TUFM: variants seen among roughly 807,000 people sequenced by gnomAD.
TUFM encodes elongation factor Tu, mitochondrial.
In TUFM, 23 loss-of-function variants were observed where a neutral mutation model predicts 45.0. The ratio of observed to expected loss-of-function variants is 0.51; its 90% CI spans 0.37 to 0.72. The LOEUF is 0.72. Among genes scored for constraint, TUFM ranks in the 30% least tolerant of loss-of-function variants. TUFM has a pLI of 0.00. For synonymous variants in TUFM, 243 were observed against 252.9 expected, an observed-to-expected ratio of 0.96 and a Z score of 0.37; for missense variants, 490 against 610.7, an observed-to-expected ratio of 0.80 and a Z score of 2.08.
In TUFM at chr16:28,845,352, C is replaced by T. The variant is rs1017675651; in HGVS notation, c.376G>A (p.Ala126Thr). The change falls in exon 3 of 10, where the codon GCC becomes ACC. Residue 126 changes from alanine (A) to threonine (T), a missense_variant. By Grantham distance (58) the Ala-to-Thr change is moderately conservative. Transcript: ENST00000313511. ...VEYSTAARHY[A>T]HTDCPGHADY... ...GCATGACCCGGGCAGTCTGTGTGGG[C>T]GTAGTGGCGGGCGGCAGTGCTATAC... 6.2e-7 allele frequency: 1 copy of T among 1,614,130 alleles called. No homozygotes were observed. Among genetic ancestry groups the T allele is most frequent in the Non-Finnish European group, 8.5e-7 (1 of 1,180,028 alleles).
In TUFM at chr16:28,845,993, G is replaced by A; in HGVS notation, c.166C>T (p.Arg56Cys). 3 of 1,613,992 alleles carry A rather than the reference G, an allele frequency of 1.9e-6. No individual in the cohort carries two copies. The highest frequency in any genetic ancestry group is 2.5e-6 in the Non-Finnish European group (3 of 1,180,046). Residue 56 changes from arginine (R) to cysteine (C), a missense_variant, in exon 2 of 10, where the codon CGC becomes TGC. Arg to Cys is a radical substitution (Grantham distance 180, BLOSUM62 -3). Coordinates refer to ENST00000313511, the MANE Select transcript of TUFM (RefSeq NM_003321.5). ...LAVEAKKTYV[R>C]DKPHVNVGTI... ...CCCACATTCACATGTGGCTTGTCGC[G>A]CACGTAAGTCTTCTTGGCCTCCACG... is the stretch of plus-strand genomic sequence containing the variant.
Position 28,845,352 on chromosome 16 carries a change from C to G in TUFM, c.376G>C (p.Ala126Pro), listed in dbSNP as rs1017675651. ...VEYSTAARHY[A>P]HTDCPGHADY... ...GCATGACCCGGGCAGTCTGTGTGGG[C>G]GTAGTGGCGGGCGGCAGTGCTATAC... The change falls in exon 3 of 10, where the codon GCC (alanine) becomes CCC (proline). Residue 126 changes from alanine (A) to proline (P), a missense_variant. Coordinates refer to ENST00000313511, the MANE Select transcript of TUFM (RefSeq NM_003321.5). 1 of 1,614,130 alleles carries G rather than the reference C, an allele frequency of 6.2e-7. No individual in the cohort carries two copies. The highest frequency in any genetic ancestry group is 8.5e-7 in the Non-Finnish European group (1 of 1,180,028).
In TUFM at chr16:28,845,183, G is replaced by A. The variant is rs1321752162; in HGVS notation, c.415-128C>T. 5.1e-6 allele frequency: 8 copies of A among 1,567,582 alleles called. No homozygotes were observed. The Admixed American group carries it at 1.2e-4, about 23-fold the overall frequency. ...ACCATCTCCTCACCACCCATTCTGC[G>A]TGGCCAAGACCACAAACCTGCCATC... On this transcript the variant is annotated intron_variant, in intron 3 of 9. Coordinates refer to ENST00000313511, the MANE Select transcript of TUFM (RefSeq NM_003321.5).
Position 28,844,360 on chromosome 16 carries a change from A to C in TUFM, c.818-26T>G. The stretch of plus-strand genomic sequence containing the variant: ...CTGGGAGGGAATAAGACAGGATATC[A>C]GGGACCCCGAGCTAGGCTTCTGCTA... On this transcript the variant is annotated intron_variant, in intron 6 of 9. Transcript: ENST00000313511. This position sits in a 1 kb window ranked among gnomAD's most constrained non-coding sequence, Gnocchi z 5.8. 1.2e-6 allele frequency: 2 copies of C among 1,614,144 alleles called. No homozygotes were observed. The highest frequency in any genetic ancestry group is 2.2e-5 in the South Asian group (2 of 91,084).
intron 2 of TUFM, 106 bp from the exon 3 acceptor site, chr16:28,845,586 T>C: frequency 7.4e-7 from 1 of 1,356,432 alleles, no homozygotes; most frequent in Non-Finnish European, 1.0e-6. Flanking sequence ...CCTCCTCCAA[T>C]CTCTAACTCT....
chr16:28,843,073 G>A lies in TUFM; in HGVS notation c.1270C>T (p.Arg424Cys), dbSNP rs775427401. 7.4e-6 allele frequency: 12 copies of A among 1,614,094 alleles called. No individual in the cohort carries two copies. The highest frequency in any genetic ancestry group is 4.5e-5 in the East Asian group (2 of 44,904). ...RQPMILEKGQ[R>C]FTLRDGNRTI... is the part of the protein sequence containing the mutation. ...CGGTTGCCATCTCGCAGGGTGAAAC[G>A]CTGGCCTTTCTCTAAGATCATTGGC... The change falls in exon 10 of 10, where the codon CGT (arginine) becomes TGT (cysteine). Residue 424 changes from arginine to cysteine, a missense_variant. Transcript: ENST00000313511.
Position 28,844,016 on chromosome 16 carries a change from G to C in TUFM, c.1008C>G (p.Asp336Glu). ...TGACCATGACCAGGCCCCGCCGCAA[G>C]TCCTCCCGCTTCAAGCCTCGGACCA... ...GALVRGLKRE[D>E]LRRGLVMVKP... The change falls in exon 8 of 10, where the codon GAC becomes GAG. Residue 336 changes from aspartate (D) to glutamate (E), a missense_variant. Coordinates refer to ENST00000313511, the MANE Select transcript of TUFM (RefSeq NM_003321.5). This position sits in a 1 kb window ranked among gnomAD's most constrained non-coding sequence, Gnocchi z 5.8. 2 of 1,614,196 alleles carry C rather than the reference G, an allele frequency of 1.2e-6. No individual in the cohort carries two copies. Among genetic ancestry groups the C allele is most frequent in the Non-Finnish European group, 1.7e-6 (2 of 1,180,038 alleles).
rs1459694093 is a variant in TUFM, at chr16:28,846,320, A to C, written c.-51T>G. 1 of 1,535,348 alleles carries C rather than the reference A, an allele frequency of 6.5e-7. No individual in the cohort carries two copies. Among genetic ancestry groups the C allele is most frequent in the Non-Finnish European group, 8.8e-7 (1 of 1,137,184 alleles). On this transcript the variant is annotated 5_prime_UTR_variant, in exon 1 of 10. Coordinates refer to ENST00000313511, the MANE Select transcript of TUFM (RefSeq NM_003321.5). ...CGGGACCAGGAGCCCGAGCGCACAG[A>C]AGAAGAAGGGCGCCTGCGGCTGGAA...
At position 28,844,299 on chromosome 16, in the gene TUFM, C is replaced by T. The variant is rs774005413; in HGVS notation, c.853G>A (p.Gly285Ser). The change falls in exon 7 of 10, where the codon GGC (glycine) becomes AGC (serine). Residue 285 changes from glycine (G) to serine (S), a missense_variant. Physicochemically the swap from Gly to Ser is moderately conservative, Grantham distance 56 (BLOSUM62 0). Transcript: ENST00000313511. This position sits in a 1 kb window ranked among gnomAD's most constrained non-coding sequence, Gnocchi z 5.8. ...CACTCGTCTCCCTTCTTTAAAATGC[C>T]ACGCTCTAGTGTACCTGTCACCACG... Reference protein sequence around the residue: ...GTVVTGTLERGILKKGDECEL... With the variant: ...GTVVTGTLERSILKKGDECEL... 1 of 1,614,062 alleles carries T rather than the reference C, an allele frequency of 6.2e-7. No homozygotes were observed. The highest frequency in any genetic ancestry group is 1.3e-5 in the African/African-American group (1 of 74,926).
intron 2 of TUFM, 115 bp from the exon 3 acceptor site, chr16:28,845,595 C>A: frequency 7.6e-7 from 1 of 1,309,380 alleles, no homozygotes; most frequent in Non-Finnish European, 1.1e-6. Flanking sequence ...ATCTCTAACT[C>A]TTCCAGCAGA....
chr16:28,845,788 C>T, intron 2 of TUFM, 124 bp downstream of exon 2: 1 of 1,219,396 alleles, frequency 8.2e-7, no homozygotes, highest in Non-Finnish European at 1.2e-6. Context: ...ATCCACCTGT[C>T]GCACAAATTC....
At position 28,844,845 on chromosome 16, in the gene TUFM, C is replaced by T. The variant is rs765855523; in HGVS notation, c.537G>A (p.Val179=). The change falls in exon 5 of 10, where the codon GTG becomes GTA. Residue 179 remains valine (V), a synonymous_variant. Coordinates refer to ENST00000313511, the MANE Select transcript of TUFM (RefSeq NM_003321.5). This position sits in a 1 kb window ranked among gnomAD's most constrained non-coding sequence, Gnocchi z 5.8. ...LLARQIGVEH[V]VVYVNKADAV... ...CGTCAGCCTTGTTCACATACACCAC[C>T]ACATGCTCCACCCCAATCTGTAGAT... The T allele has an allele frequency of 1.9e-6, 3 of 1,614,212 alleles. No homozygotes were observed. The highest frequency in any genetic ancestry group is 1.7e-5 in the Admixed American group (1 of 60,008).
At position 28,846,296 on chromosome 16, in the gene TUFM, G is replaced by C; in HGVS notation, c.-27C>G. 1.9e-6 allele frequency: 3 copies of C among 1,547,842 alleles called. No homozygotes were observed. The highest frequency in any genetic ancestry group is 2.6e-6 in the Non-Finnish European group (3 of 1,144,182). On this transcript the variant is annotated 5_prime_UTR_variant, in exon 1 of 10. Coordinates refer to ENST00000313511, the MANE Select transcript of TUFM (RefSeq NM_003321.5). ...CTCGCGCCCCGGTAACCGGGGAGCC[G>C]GGACCAGGAGCCCGAGCGCACAGAA... is the stretch of plus-strand genomic sequence containing the variant.
chr16:28,845,171 C>T (rs1961907625), intron 3 of TUFM, 116 bp from the exon 4 acceptor site: 2 of 1,555,940 alleles, frequency 1.3e-6, no homozygotes, highest in Middle Eastern at 1.9e-4. Context: ...ATCTCCTCAC[C>T]ACCCATTCTG....
At position 28,842,977 on chromosome 16, in the gene TUFM, A is replaced by G. The variant is rs1961839041; in HGVS notation, c.1366T>C (p.Ter456ArgextTer12). The change falls in exon 10 of 10, where the codon TGA (stop) becomes CGA (arginine). Residue 456 changes from the stop codon to arginine, a stop_lost. Coordinates refer to ENST00000313511, the MANE Select transcript of TUFM (RefSeq NM_003321.5). Reference sequence around the variant, plus strand: ...AAGCTGAGCAGAGATCTGCACACTCAACCCCATTTGATATTCTTCTCCTCC... The same window carrying G: ...AAGCTGAGCAGAGATCTGCACACTCGACCCCATTTGATATTCTTCTCCTCC... ...TEEEKNIKWG* is the reference protein window; with the variant it reads ...TEEEKNIKWGR 1.2e-6 allele frequency: 2 copies of G among 1,614,070 alleles called. No individual in the cohort carries two copies. Among genetic ancestry groups the G allele is most frequent in the Non-Finnish European group, 1.7e-6 (2 of 1,180,042 alleles).
Position 28,842,521 on chromosome 16 carries a change from T to A in TUFM, c.*454A>T, listed in dbSNP as rs1027083677. On this transcript the variant is annotated 3_prime_UTR_variant, in exon 10 of 10. Transcript: ENST00000313511. ...ATGTGAATGGATGCTAGACATTCAC[T>A]TAGTATTCCGAGGAAACAAGATGGG... 67 of 248,262 alleles carry A rather than the reference T, an allele frequency of 2.7e-4. No homozygotes were observed. The highest frequency in any genetic ancestry group is 1.2e-3 in the African/African-American group (54 of 44,538). 15.4% of individuals were successfully genotyped at this position (248,262 alleles called of 1,614,324 possible).
Position 28,844,321 on chromosome 16 carries a change from C to T in TUFM, c.831G>A (p.Val277=), listed in dbSNP as rs751001016. The T allele has an allele frequency of 3.1e-6, 5 of 1,614,052 alleles. No homozygotes were observed. Among genetic ancestry groups the T allele is most frequent in the Middle Eastern group, 1.6e-4 (1 of 6,084 alleles). The change falls in exon 7 of 10, where the codon GTG becomes GTA. Residue 277 remains valine (V), a synonymous_variant. Transcript: ENST00000313511. This position sits in a 1 kb window ranked among gnomAD's most constrained non-coding sequence, Gnocchi z 5.8. ...AVYSVPGRGT[V]VTGTLERGIL... is the part of the protein sequence containing the mutation. ...TGCCACGCTCTAGTGTACCTGTCAC[C>T]ACGGTGCCACGGCCTGGGAGGGAAT...
chr16:28,843,663 T>C, intron 9 of TUFM, 73 bp downstream of exon 9: 2 of 1,600,482 alleles, frequency 1.2e-6, no homozygotes, highest in Non-Finnish European at 1.7e-6. Context: ...CAGTGTATCT[T>C]TGGAACTATG....
Position 28,844,094 on chromosome 16 carries a change from C to G in TUFM, c.930G>C (p.Glu310Asp). Residue 310 changes from glutamate to aspartate, a missense_variant, in exon 8 of 10, where the codon GAG (glutamate) becomes GAC (aspartate). Physicochemically the swap from Glu to Asp is conservative, Grantham distance 45. Transcript: ENST00000313511. The surrounding 1 kb of genome is among the most constrained non-coding windows in gnomAD (Gnocchi z 5.8). ...KNIRTVVTGI[E>D]MFHKSLERAE... ...CCCTCTCCAGGCTCTTGTGGAACAT[C>G]TCAATGCCTAGGACGGAAAGGGAAA... 1.9e-6 allele frequency: 3 copies of G among 1,614,164 alleles called. No homozygotes were observed. The highest frequency in any genetic ancestry group is 2.5e-6 in the Non-Finnish European group (3 of 1,180,044).
Sources: gnomAD v4.1 joint callset for allele counts on GRCh38, gnomAD v4.1.1 for gene constraint, Gnocchi (gnomAD v3.1) non-coding constraint, MANE v1.5 for transcripts, NCBI Gene and HGNC (gene_info 2026-07-23, HGNC 2026-07-21) for gene names.